GPATCH2L: variants seen among roughly 807,000 people sequenced by gnomAD.
The protein encoded by GPATCH2L is G patch domain-containing protein 2-like.
GPATCH2L carries 31 observed loss-of-function variants against 57.4 expected under a neutral mutation model. The observed-to-expected ratio is 0.54, with a 90% CI of 0.41 to 0.73. The LOEUF is 0.73. Among genes scored for constraint, GPATCH2L ranks in the 30% least tolerant of loss-of-function variants. GPATCH2L has a pLI of 0.00. For synonymous variants in GPATCH2L, 199 were observed against 210.7 expected, an observed-to-expected ratio of 0.94 and a Z score of 0.48; for missense variants, 481 against 599.9, an observed-to-expected ratio of 0.80 and a Z score of 2.07.
chr14:76,176,793 A>G, intron 6 of GPATCH2L, 103 bp downstream of exon 6: 1 of 764,400 alleles, frequency 1.3e-6, no homozygotes, highest in Non-Finnish European at 2.4e-6. Context: ...CAGAGTTCAA[A>G]GAGATCTTAA....
intron 2 of GPATCH2L, among the ~76,000 whole-genome samples, chr14:76,164,414 A>G (rs1246874704): frequency 6.6e-6 from 1 of 152,184 alleles, no homozygotes; most frequent in Non-Finnish European, 1.5e-5. Context: ...AATCATGAGT[A>G]TCAAAAATGT....
At chr14:76,166,320 A>G (rs2038835287) in intron 2 of GPATCH2L, among the ~76,000 whole-genome samples, 1 of 152,234 alleles carries the variant, frequency 6.6e-6, no homozygotes, top group African/African-American at 2.4e-5. Flanking sequence ...AATATTTGAG[A>G]ATAAAATTGT....
At chr14:76,179,635 C>T (rs557366432) in intron 7 of GPATCH2L, 2 of 152,344 alleles carry the variant, frequency 1.3e-5, no homozygotes, top group Admixed American at 6.5e-5. Context: ...AGTTTGTATT[C>T]TCATAAAACA....
At chr14:76,168,717 C>G (rs908419761) in intron 3 of GPATCH2L, among the ~76,000 whole-genome samples, 3 of 152,096 alleles carry the variant, frequency 2.0e-5, no homozygotes, top group African/African-American at 7.2e-5. Flanking sequence ...ATGACCAAGC[C>G]CAGAGTCAGT....
rs2040342543 is a variant in GPATCH2L at position 76,203,590 on chromosome 14, G to C, written c.*1739G>C. 6.6e-6 allele frequency: 1 copy of C among 152,456 alleles called. No individual in the cohort carries two copies. The highest frequency in any genetic ancestry group is 2.1e-4 in the South Asian group (1 of 4,832). 9.4% of individuals were successfully genotyped at this position (152,456 alleles called of 1,614,324 possible). On this transcript the variant is annotated 3_prime_UTR_variant, in exon 10 of 10. Transcript: ENST00000261530. ...GATGATGGGATGGGAGAGTGCTGAA[G>C]CTGGCCCAGCATGCCTCTGAGTCAC...
At chr14:76,185,887 A>T (rs1326603016) in intron 8 of GPATCH2L, among the ~76,000 whole-genome samples, 1 of 152,118 alleles carries the variant, frequency 6.6e-6, no homozygotes, top group Non-Finnish European at 1.5e-5. Context: ...AGGTGGTAGG[A>T]GATTAAGAGT....
chr14:76,186,541 A>T (rs938999582), intron 8 of GPATCH2L, among the ~76,000 whole-genome samples: 1 of 152,224 alleles, frequency 6.6e-6, no homozygotes, highest in Non-Finnish European at 1.5e-5. Context: ...TGTGAAGCAC[A>T]GTGTTGCTTT....
chr14:76,225,990 ACT>A (rs1277837675), intron 1 of GPATCH2L, among the ~76,000 whole-genome samples: 1 of 152,182 alleles, frequency 6.6e-6, no homozygotes, highest in Non-Finnish European at 1.5e-5. Flanking sequence ...AGCAACGAAC[ACT>A]CTCATAAACT....
At chr14:76,184,063 TGTGG>T (rs1365072815) in intron 8 of GPATCH2L, among the ~76,000 whole-genome samples, 13 of 130,142 alleles carry the variant, frequency 1.0e-4, no homozygotes, top group Admixed American at 4.7e-4. Flanking sequence ...TGTGTGTGTG[TGTGG>T]CGACAATGTT....
At chr14:76,178,277 T>C in intron 7 of GPATCH2L, 1 of 1,472,100 alleles carries the variant, frequency 6.8e-7, no homozygotes, top group Non-Finnish European at 9.0e-7. Flanking sequence ...ATCAGAATCC[T>C]GCGTTGAGAA....
At chr14:76,159,080 G>C (rs1316884651) in intron 2 of GPATCH2L, among the ~76,000 whole-genome samples, 2 of 152,184 alleles carry the variant, frequency 1.3e-5, no homozygotes, top group Non-Finnish European at 2.9e-5. Flanking sequence ...CATGTAATGC[G>C]TAATAACTTC....
At chr14:76,189,367 T>G (rs1594973937) in intron 8 of GPATCH2L, among the ~76,000 whole-genome samples, 1 of 96,986 alleles carries the variant, frequency 1.0e-5, no homozygotes, top group South Asian at 2.6e-4. Context: ...TTTTGGTGTC[T>G]TCTTCAATTT....
At chr14:76,214,658 A>T (rs549635258), downstream of GPATCH2L, among the ~76,000 whole-genome samples, 37 of 151,906 alleles carry the variant, frequency 2.4e-4, no homozygotes, top group African/African-American at 8.0e-4. Flanking sequence ...CTAGGGCTCC[A>T]CCCTCCTAAT....
At chr14:76,156,935 C>T (rs989313378) in intron 2 of GPATCH2L, among the ~76,000 whole-genome samples, 3 of 152,178 alleles carry the variant, frequency 2.0e-5, no homozygotes, top group Non-Finnish European at 1.5e-5. Flanking sequence ...TGTAAATTCT[C>T]GTTATCTGAG....
chr14:76,227,992 A>C (rs981911008), intron 1 of GPATCH2L, among the ~76,000 whole-genome samples: 7 of 152,212 alleles, frequency 4.6e-5, no homozygotes, highest in African/African-American at 1.4e-4. Flanking sequence ...CGCAACTCCT[A>C]TGTGAAAGGG....
At chr14:76,178,106 C>T (rs2139699113) in intron 7 of GPATCH2L, 64 bp downstream of exon 7, 2 of 1,362,484 alleles carry the variant, frequency 1.5e-6, no homozygotes, top group South Asian at 1.2e-5. Context: ...GAGTATCCAA[C>T]ACTTACTGGT....
chr14:76,216,623 CAGAA>C (rs1263847627), downstream of GPATCH2L, among the ~76,000 whole-genome samples: 1 of 152,082 alleles, frequency 6.6e-6, no homozygotes, highest in African/African-American at 2.4e-5. Context: ...GTGTACTCTG[CAGAA>C]AGATTTTATG....
intron 8 of GPATCH2L, among the ~76,000 whole-genome samples, chr14:76,181,389 T>G (rs1489301034): frequency 6.6e-6 from 1 of 152,244 alleles, no homozygotes; most frequent in Non-Finnish European, 1.5e-5. Flanking sequence ...GGAGGACCAC[T>G]CAGACCATCC....
Position 76,202,462 on chromosome 14 carries a change from C to T in GPATCH2L, c.*611C>T, listed in dbSNP as rs2040325978. ...ATTGTCTGCAGAAACTCAGACAGCT[C>T]ATCAGCAGCAGCAGCTGTATTGTAT... On this transcript the variant is annotated 3_prime_UTR_variant, in exon 10 of 10. Coordinates refer to ENST00000261530, the MANE Select transcript of GPATCH2L (RefSeq NM_017926.4). 6.6e-6 allele frequency: 1 copy of T among 152,630 alleles called. No homozygotes were observed. Among genetic ancestry groups the T allele is most frequent in the African/African-American group, 2.4e-5 (1 of 41,410 alleles). 9.5% of individuals were successfully genotyped at this position (152,630 alleles called of 1,614,324 possible).
Sources: gnomAD v4.1 joint callset for allele counts (sites outside exome capture counted in the v4.1 genomes callset) on GRCh38, gnomAD v4.1.1 for gene constraint, MANE v1.5 for transcripts, NCBI Gene and HGNC (gene_info 2026-07-23, HGNC 2026-07-21) for gene names.